GLIS3: variants seen among roughly 807,000 people sequenced by gnomAD.
GLIS3 encodes the protein zinc finger protein GLIS3.
Under a neutral mutation model 78.6 loss-of-function variants are expected in GLIS3, and 53 were observed. That is an observed-to-expected ratio of 0.67 (90% CI 0.54 to 0.85). The LOEUF (loss-of-function observed/expected upper bound fraction) is 0.85, where lower values mean the gene tolerates loss of function less well. Among genes scored for constraint, GLIS3 ranks in the 40% least tolerant of loss-of-function variants. The pLI, the probability that GLIS3 is intolerant of heterozygous loss-of-function variation, is 0.00. For missense variants in GLIS3, 1,703 were observed against 1,231.1 expected (o/e 1.38, Z -5.74); for synonymous variants, 684 against 509.9 (o/e 1.34, Z -4.60).
chr9:4,070,492 A>T (rs1430124323), intron 4 of GLIS3, among the ~76,000 whole-genome samples: 1 of 151,852 alleles, frequency 6.6e-6, no homozygotes, highest in Admixed American at 6.6e-5. Flanking sequence ...GTGTGTGTGC[A>T]TGTGCGTAAG....
intron 4 of GLIS3, among the ~76,000 whole-genome samples, chr9:3,992,169 A>G (rs1377854243): frequency 6.6e-6 from 1 of 152,202 alleles, no homozygotes; most frequent in Non-Finnish European, 1.5e-5. Context: ...AGAATGTAAC[A>G]TTTGGAGGAC....
intron 6 of GLIS3, among the ~76,000 whole-genome samples, chr9:3,924,718 G>A (rs1385230342): frequency 1.3e-5 from 2 of 152,230 alleles, no homozygotes; most frequent in African/African-American, 4.8e-5. Flanking sequence ...CAAAGGACAT[G>A]AATACTTTGG....
At chr9:3,963,607 T>C (rs1240142120) in intron 4 of GLIS3, among the ~76,000 whole-genome samples, 1 of 151,956 alleles carries the variant, frequency 6.6e-6, no homozygotes, top group East Asian at 1.9e-4. Context: ...AAGAGGAAAA[T>C]TAAGTGCTGA....
At chr9:4,075,411 C>CAAAAAAAAAAAAAAAAAAAA (rs59194808) in intron 4 of GLIS3, among the ~76,000 whole-genome samples, 9 of 118,148 alleles carry the variant, frequency 7.6e-5, no homozygotes, top group East Asian at 2.7e-4. Context: ...ACTAAAAATA[C>CAAAAAAAAAAAAAAAAAAAA]AAAAAAAAAA....
At chr9:4,459,620 C>T in the GLIS3 span, among the ~76,000 whole-genome samples, 2 of 151,948 alleles carry the variant, frequency 1.3e-5, no homozygotes, top group Non-Finnish European at 2.9e-5. Context: ...TAAAAATTAG[C>T]TAAGCATGGT....
intron 2 of GLIS3, among the ~76,000 whole-genome samples, chr9:4,135,515 C>T (rs1586771019): frequency 6.6e-6 from 1 of 152,098 alleles, no homozygotes; most frequent in Admixed American, 6.6e-5. Flanking sequence ...AATAATGTCT[C>T]TAAGCATTAT....
At chr9:4,344,042 C>G (rs367669678) in intron 2 of GLIS3, among the ~76,000 whole-genome samples, 30 of 152,238 alleles carry the variant, frequency 2.0e-4, no homozygotes, top group African/African-American at 6.7e-4. Flanking sequence ...TATAACAAAC[C>G]TGCACATGTA....
At position 3,914,523 on chromosome 9, in the gene GLIS3, C is replaced by T. The variant is rs147693086; in HGVS notation, c.1984-15688G>A. ...ATTCATGCCAAATTTCACTAGATAA[C>T]ACTATTCACATTTATATGTTGCCTC... is the stretch of plus-strand genomic sequence containing the variant. On this transcript the variant is annotated intron_variant, in intron 6 of 10. Transcript: ENST00000381971. 1.1e-3 allele frequency among the ~76,000 whole-genome samples: 175 copies of T among 152,204 alleles called. 1 individual carries two copies. Among genetic ancestry groups the T allele is most frequent in the South Asian group, 4.1e-4 (2 of 4,822 alleles).
intron 2 of GLIS3, among the ~76,000 whole-genome samples, chr9:4,175,842 A>G (rs1723690268): frequency 6.6e-6 from 1 of 152,216 alleles, no homozygotes; most frequent in South Asian, 2.1e-4. Context: ...CGGTAACCCC[A>G]TAAAAGAAGT....
chr9:4,023,657 C>T (rs1193288232), intron 4 of GLIS3, among the ~76,000 whole-genome samples: 1 of 152,158 alleles, frequency 6.6e-6, no homozygotes, highest in Non-Finnish European at 1.5e-5. Flanking sequence ...TTCTACAAGA[C>T]AAAGGATAAG....
At chr9:4,015,054 G>A (rs1330488469) in intron 4 of GLIS3, among the ~76,000 whole-genome samples, 1 of 152,178 alleles carries the variant, frequency 6.6e-6, no homozygotes, top group Non-Finnish European at 1.5e-5. Flanking sequence ...TTAACTGCTA[G>A]TAAAGTGAAA....
intron 6 of GLIS3, among the ~76,000 whole-genome samples, chr9:3,915,558 G>C (rs1824453981): frequency 1.3e-5 from 2 of 152,132 alleles, no homozygotes; most frequent in African/African-American, 4.8e-5. Flanking sequence ...CAGATGCCCT[G>C]TTATCTGCAG....
intron 2 of GLIS3, among the ~76,000 whole-genome samples, chr9:4,319,911 T>C (rs1302424250): frequency 1.3e-5 from 2 of 152,192 alleles, no homozygotes; most frequent in Non-Finnish European, 2.9e-5. Context: ...TTCTAATCTG[T>C]CTACGCATGG....
At chr9:3,945,089 A>C (rs12349277) in intron 4 of GLIS3, among the ~76,000 whole-genome samples, 1 of 152,310 alleles carries the variant, frequency 6.6e-6, no homozygotes, top group Middle Eastern at 3.4e-3. Flanking sequence ...ACCACTTTTT[A>C]AGGCCCCACC....
At chr9:4,366,035 G>C in the GLIS3 span, among the ~76,000 whole-genome samples, 1 of 152,198 alleles carries the variant, frequency 6.6e-6, no homozygotes, top group Admixed American at 6.5e-5. Flanking sequence ...AAAGGCCGTT[G>C]AAAATGCTTC....
the GLIS3 span, among the ~76,000 whole-genome samples, chr9:4,390,037 G>A: frequency 6.6e-6 from 1 of 152,186 alleles, no homozygotes; most frequent in Non-Finnish European, 1.5e-5. Flanking sequence ...ACTATGTGCT[G>A]CAATGGGCTA....
Position 3,962,957 on chromosome 9 carries a change from GGGA to G in GLIS3, c.1711-25771_1711-25769del, listed in dbSNP as rs1350666775. Among the ~76,000 whole-genome samples, 342 of 150,802 alleles carry G rather than the reference GGGA, an allele frequency of 2.3e-3. 6 individuals are homozygous for G. Among genetic ancestry groups the G allele is most frequent in the African/African-American group, 8.1e-3 (328 of 40,742 alleles). On this transcript the variant is annotated intron_variant, in intron 4 of 10. Transcript: ENST00000381971. ...TCTGCTGTGATTTAAGGGGGGGGGGGGGAGAGAGATTTATTGAGGTATAAAAAG... is the reference window on the plus strand; with the variant it reads ...TCTGCTGTGATTTAAGGGGGGGGGGGGAGAGATTTATTGAGGTATAAAAAG...
intron 4 of GLIS3, among the ~76,000 whole-genome samples, chr9:4,069,988 A>G (rs1827451626): frequency 6.6e-6 from 1 of 152,014 alleles, no homozygotes; most frequent in Non-Finnish European, 1.5e-5. Context: ...AGACCCAGGG[A>G]ACATGGCCTA....
the GLIS3 span, among the ~76,000 whole-genome samples, chr9:4,467,205 G>A: frequency 2.0e-5 from 3 of 152,192 alleles, no homozygotes; most frequent in African/African-American, 7.2e-5. Flanking sequence ...ACCTCTGGGG[G>A]CAGGGAATAG....
Sources: gnomAD v4.1 joint callset for allele counts (sites outside exome capture counted in the v4.1 genomes callset) on GRCh38, gnomAD v4.1.1 for gene constraint, MANE v1.5 for transcripts, NCBI Gene and HGNC (gene_info 2026-07-23, HGNC 2026-07-21) for gene names.